The following PCDHGA1 variants were observed in gnomAD, a reference collection of about 807,000 sequenced individuals.
The protein encoded by PCDHGA1 is protocadherin gamma-A1.
PCDHGA1 carries 32 observed loss-of-function variants against 58.0 expected under a neutral mutation model. The observed-to-expected ratio is 0.55, with a 90% confidence interval of 0.42 to 0.74. The LOEUF is 0.74. PCDHGA1 is among the 30% of genes least tolerant of loss of function. PCDHGA1 has a pLI of 0.00. For synonymous variants in PCDHGA1, 498 were observed against 501.1 expected, an observed-to-expected ratio of 0.99 and a Z score of 0.08; for missense variants, 1,205 against 1,182.3, an observed-to-expected ratio of 1.02 and a Z score of -0.28.
In PCDHGA1 at chr5:141,432,598, G is replaced by A; in HGVS notation, c.2422-62209G>A. The A allele has an allele frequency of 6.2e-7, 1 of 1,613,920 alleles. No individual in the cohort carries two copies. The highest frequency in any genetic ancestry group is 8.5e-7 in the Non-Finnish European group (1 of 1,179,972). On this transcript the variant is annotated intron_variant, in intron 1 of 3. Transcript: ENST00000517417. The surrounding 1 kb of genome is among the most constrained non-coding windows in gnomAD (Gnocchi z 6.0). ...CCTACCGTCTGCTCAAGGCCAGCGA[G>A]CCGGGACTCTTCTCGGTGGGTCTGC...
intron 1 of PCDHGA1, chr5:141,351,440 T>C (rs1758720345): frequency 6.2e-7 from 1 of 1,612,578 alleles, no homozygotes; most frequent in Non-Finnish European, 8.5e-7. Flanking sequence ...AGAATCCACC[T>C]CGAAGAATTA....
chr5:141,351,786 T>C, intron 1 of PCDHGA1: 2 of 1,613,248 alleles, frequency 1.2e-6, no homozygotes, highest in South Asian at 1.1e-5. Flanking sequence ...CAGAGCGGGG[T>C]GGTGTTCGCG....
rs1309165721 is a variant in PCDHGA1 at position 141,430,655 on chromosome 5, G to A, written c.2422-64152G>A. On this transcript the variant is annotated intron_variant, in intron 1 of 3. Coordinates refer to ENST00000517417, the MANE Select transcript of PCDHGA1 (RefSeq NM_018912.3). Reference sequence around the variant, plus strand: ...ATCCCTGGGAGTATGTGGAAACAACGGAGGAGCTCTGACTTCCCAACTGTC... The same window carrying A: ...ATCCCTGGGAGTATGTGGAAACAACAGAGGAGCTCTGACTTCCCAACTGTC... 4.6e-6 allele frequency: 5 copies of A among 1,084,938 alleles called. No individual in the cohort carries two copies. In the East Asian group the frequency reaches 7.8e-5, roughly 17 times the overall value. 67.2% of individuals were successfully genotyped at this position (1,084,938 alleles called of 1,614,324 possible).
intron 1 of PCDHGA1, chr5:141,366,746 G>A (rs750528287): frequency 1.9e-6 from 3 of 1,609,646 alleles, no homozygotes; most frequent in Non-Finnish European, 2.5e-6. Flanking sequence ...AGAACGGCGA[G>A]TTCAGGTTAG....
chr5:141,383,476 GA>G, intron 1 of PCDHGA1: 2 of 1,613,748 alleles, frequency 1.2e-6, no homozygotes, highest in Non-Finnish European at 1.7e-6. Context: ...TAAGTACCCG[GA>G]ACTGGTGCTG....
intron 1 of PCDHGA1, chr5:141,366,238 C>T (rs376279746): frequency 6.2e-7 from 1 of 1,613,786 alleles, no homozygotes; most frequent in South Asian, 1.1e-5. Flanking sequence ...TGGACAGAGA[C>T]GCGCTCAAGC....
rs1378433689 is a variant in PCDHGA1, at chr5:141,409,139, G to A, written c.2421+76034G>A. Reference sequence around the variant, plus strand: ...CCAGTCATTTGATTTTGAAGATGTAGAAAGGTACACCATGGAAGTGGAAGC... The same window carrying A: ...CCAGTCATTTGATTTTGAAGATGTAAAAAGGTACACCATGGAAGTGGAAGC... On this transcript the variant is annotated intron_variant, in intron 1 of 3. Transcript: ENST00000517417. 5.6e-6 allele frequency: 9 copies of A among 1,613,894 alleles called. No homozygotes were observed. In the Admixed American group the frequency reaches 1.5e-4, roughly 27 times the overall value.
Position 141,332,185 on chromosome 5 carries a change from CT to C in PCDHGA1, c.1502del (p.Leu501HisfsTer30), listed in dbSNP as rs1756393583. On this transcript the variant is annotated frameshift_variant, in exon 1 of 4. Coordinates refer to ENST00000517417, the MANE Select transcript of PCDHGA1 (RefSeq NM_018912.3). LOFTEE classifies it high-confidence loss of function. This position sits in a 1 kb window ranked among gnomAD's most constrained non-coding sequence, Gnocchi z 4.6. ...LIEDTIQGAP[L>X]SAYLSINSDT... ...AGAGGACACTATCCAGGGGGCACCCCTATCTGCCTACCTCTCCATCAACTCC... is the reference window on the plus strand; with the variant it reads ...AGAGGACACTATCCAGGGGGCACCCCATCTGCCTACCTCTCCATCAACTCC... 3.7e-6 allele frequency: 6 copies of C among 1,614,228 alleles called. No individual in the cohort carries two copies. Among genetic ancestry groups the C allele is most frequent in the Non-Finnish European group, 5.1e-6 (6 of 1,180,048 alleles).
intron 2 of PCDHGA1, among the ~76,000 whole-genome samples, chr5:141,503,909 C>T (rs904260329): frequency 1.3e-5 from 2 of 152,156 alleles, no homozygotes; most frequent in Admixed American, 1.3e-4. Flanking sequence ...ACACACACAA[C>T]GCAACACACA....
In PCDHGA1 at chr5:141,351,987, G is replaced by T. The variant is rs1399569045; in HGVS notation, c.2421+18882G>T. The T allele has an allele frequency of 3.7e-6, 6 of 1,611,016 alleles. No homozygotes were observed. Among genetic ancestry groups the T allele is most frequent in the Non-Finnish European group, 4.2e-6 (5 of 1,179,544 alleles). Reference sequence around the variant, plus strand: ...TCCGCCCTCTTCGATATGGTGCCACGCGCCGCAGAGCCCGGCTACCTGGTG... The same window carrying T: ...TCCGCCCTCTTCGATATGGTGCCACTCGCCGCAGAGCCCGGCTACCTGGTG... On this transcript the variant is annotated intron_variant, in intron 1 of 3. Coordinates refer to ENST00000517417, the MANE Select transcript of PCDHGA1 (RefSeq NM_018912.3).
At chr5:141,394,982 C>CCTGCTCCA (rs2093142772) in intron 1 of PCDHGA1, 2 of 1,613,866 alleles carry the variant, frequency 1.2e-6, no homozygotes, top group South Asian at 2.2e-5. Flanking sequence ...ACAAGTCACG[C>CCTGCTCCA]CTGCTCCAGG....
At chr5:141,419,723 C>A in intron 1 of PCDHGA1, 6 of 1,613,292 alleles carry the variant, frequency 3.7e-6, no homozygotes, top group Non-Finnish European at 5.1e-6. Flanking sequence ...CCTGGGGCTG[C>A]GAACAGGCGA....
intron 2 of PCDHGA1, 147 bp from the exon 3 acceptor site, chr5:141,505,246 G>A (rs2099844792): frequency 2.1e-6 from 3 of 1,436,556 alleles, no homozygotes; most frequent in African/African-American, 1.4e-5. Flanking sequence ...AAGGATTGTA[G>A]AAGTGCCTCC....
intron 1 of PCDHGA1, among the ~76,000 whole-genome samples, chr5:141,492,632 C>T (rs1359761285): frequency 1.3e-5 from 2 of 152,256 alleles, no homozygotes; most frequent in Admixed American, 1.3e-4. Context: ...CAGGACTCTA[C>T]GATCCTTGGG....
intron 2 of PCDHGA1, among the ~76,000 whole-genome samples, chr5:141,503,100 G>A (rs563699751): frequency 6.6e-6 from 1 of 151,592 alleles, no homozygotes; most frequent in South Asian, 2.1e-4. Context: ...TGGTCTGCCC[G>A]CCCCTGCCTC....
chr5:141,367,006 C>A (rs1157671027), intron 1 of PCDHGA1: 2 of 429,920 alleles, frequency 4.7e-6, no homozygotes, highest in Non-Finnish European at 4.0e-6. Flanking sequence ...ATCATTTTAC[C>A]CAAATATTTT....
chr5:141,333,095 CA>C lies in PCDHGA1; in HGVS notation c.2412del (p.Ser806LeufsTer45). 1 of 1,614,190 alleles carries C rather than the reference CA, an allele frequency of 6.2e-7. No individual in the cohort carries two copies. The highest frequency in any genetic ancestry group is 8.5e-7 in the Non-Finnish European group (1 of 1,180,030). On this transcript the variant is annotated frameshift_variant, in exon 1 of 4. Transcript: ENST00000517417. LOFTEE classifies it high-confidence loss of function. Reference sequence around the variant, plus strand: ...TCTTTACTTGAAGACAAAAAGGAACCATTTTCTCAGGTAAACTTTTGTGATG... The same window carrying C: ...TCTTTACTTGAAGACAAAAAGGAACCTTTTCTCAGGTAAACTTTTGTGATG... Reference protein sequence around the residue: ...PQSLLEDKKEPFSQQAPPNTD... With the variant: ...PQSLLEDKKEXFSQQAPPNTD...
chr5:141,350,940 T>C, intron 1 of PCDHGA1: 1 of 1,614,094 alleles, frequency 6.2e-7, no homozygotes, highest in Non-Finnish European at 8.5e-7. Flanking sequence ...CATATCTGGA[T>C]CCGAGTTACG....
At chr5:141,413,986 A>G (rs1464771336) in intron 1 of PCDHGA1, 1 of 1,613,554 alleles carries the variant, frequency 6.2e-7, no homozygotes, top group Admixed American at 1.7e-5. Flanking sequence ...AGTCACAGCC[A>G]CCGACAGGGA....
Sources: gnomAD v4.1 joint callset for allele counts (sites outside exome capture counted in the v4.1 genomes callset) on GRCh38, gnomAD v4.1.1 for gene constraint, Gnocchi (gnomAD v3.1) non-coding constraint, MANE v1.5 for transcripts, NCBI Gene and HGNC (gene_info 2026-07-23, HGNC 2026-07-21) for gene names.